RARB: variants seen among roughly 807,000 people sequenced by gnomAD.
The protein encoded by RARB is HBV-activated protein.
Under a neutral mutation model 51.9 loss-of-function variants are expected in RARB, and 17 were observed. The ratio of observed to expected loss-of-function variants is 0.33; its 90% CI spans 0.22 to 0.49. RARB has a LOEUF of 0.49. RARB is among the 20% of genes least tolerant of loss of function. The pLI is 0.99. For synonymous variants in RARB, 215 were observed against 195.4 expected (o/e 1.10, Z -0.84); for missense variants, 369 against 550.8 (o/e 0.67, Z 3.30).
chr3:25,354,816 G>A (rs540634933), intron 5 of RARB, among the ~76,000 whole-genome samples: 6 of 152,166 alleles, frequency 3.9e-5, no homozygotes, highest in Admixed American at 2.0e-4. Context: ...GTCCTCCCTG[G>A]GGTTACTGAG....
chr3:24,979,099 G>T (rs1472851155), intron 2 of RARB, among the ~76,000 whole-genome samples: 1 of 152,200 alleles, frequency 6.6e-6, no homozygotes, highest in Non-Finnish European at 1.5e-5. Context: ...TAATTTGATT[G>T]CACTGTGGTC....
At chr3:25,306,628 T>A (rs760459496) in intron 5 of RARB, among the ~76,000 whole-genome samples, 4 of 152,202 alleles carry the variant, frequency 2.6e-5, no homozygotes, top group Non-Finnish European at 5.9e-5. Flanking sequence ...CTAGACTTTT[T>A]AGATTAAAAA....
intron 5 of RARB, among the ~76,000 whole-genome samples, chr3:25,336,740 A>G (rs1442081204): frequency 6.6e-6 from 1 of 152,162 alleles, no homozygotes; most frequent in East Asian, 1.9e-4. Flanking sequence ...AGTGCCAATT[A>G]CCTAAAGGTT....
chr3:25,019,750 T>C (rs1431107550), intron 2 of RARB, among the ~76,000 whole-genome samples: 2 of 152,094 alleles, frequency 1.3e-5, no homozygotes, highest in Non-Finnish European at 2.9e-5. Flanking sequence ...CTTTGCTACT[T>C]AGGAAGATAA....
intron 5 of RARB, among the ~76,000 whole-genome samples, chr3:25,280,264 C>A (rs1335939939): frequency 1.3e-5 from 2 of 152,014 alleles, no homozygotes; most frequent in Non-Finnish European, 2.9e-5. Context: ...TTTCTCTGAC[C>A]CTGTGTCTCC....
At chr3:25,584,932 A>G (rs1462576605) in intron 5 of RARB, among the ~76,000 whole-genome samples, 1 of 151,652 alleles carries the variant, frequency 6.6e-6, no homozygotes, top group East Asian at 1.9e-4. Flanking sequence ...TTGCCACAGT[A>G]TTTATCTCCT....
At chr3:24,939,467 A>T (rs538885354) in intron 2 of RARB, among the ~76,000 whole-genome samples, 78 of 152,318 alleles carry the variant, frequency 5.1e-4, no homozygotes, top group Non-Finnish European at 9.1e-4. Flanking sequence ...TACAGTACTT[A>T]TTCTCTTGTA....
intron 2 of RARB, among the ~76,000 whole-genome samples, chr3:24,885,501 A>C (rs1481391131): frequency 6.6e-6 from 1 of 152,196 alleles, no homozygotes; most frequent in African/African-American, 2.4e-5. Flanking sequence ...ATATTAAATC[A>C]AGTTGTTTTA....
intron 2 of RARB, among the ~76,000 whole-genome samples, chr3:25,022,489 T>C (rs957148355): frequency 1.3e-5 from 2 of 152,202 alleles, no homozygotes; most frequent in Admixed American, 1.3e-4. Flanking sequence ...ATTTTTTAAA[T>C]TTTTCTAATT....
intron 3 of RARB, among the ~76,000 whole-genome samples, chr3:25,121,484 A>G (rs917381602): frequency 1.3e-5 from 2 of 152,194 alleles, no homozygotes; most frequent in Non-Finnish European, 2.9e-5. Flanking sequence ...TGGATAATGA[A>G]TATGGTGCAA....
At chr3:24,858,128 C>T (rs1702668881) in intron 1 of RARB, among the ~76,000 whole-genome samples, 1 of 152,134 alleles carries the variant, frequency 6.6e-6, no homozygotes, top group Non-Finnish European at 1.5e-5. Context: ...TGTCATATTT[C>T]CCTAAAATTG....
intron 5 of RARB, among the ~76,000 whole-genome samples, chr3:25,198,951 C>A (rs115799518): frequency 6.6e-6 from 1 of 151,720 alleles, no homozygotes; most frequent in Non-Finnish European, 1.5e-5. Context: ...GTATATACCC[C>A]CAAAAAAGGA....
At chr3:25,438,491 T>C (rs926480919) in intron 1 of RARB, among the ~76,000 whole-genome samples, 1 of 152,200 alleles carries the variant, frequency 6.6e-6, no homozygotes, top group Non-Finnish European at 1.5e-5. Flanking sequence ...GTTGGTTCCA[T>C]GTTTAATGAA....
chr3:24,982,842 A>G (rs1403735188), intron 2 of RARB, among the ~76,000 whole-genome samples: 1 of 152,196 alleles, frequency 6.6e-6, no homozygotes, highest in East Asian at 1.9e-4. Context: ...AGTCAAGGGA[A>G]GTTGAATATC....
At chr3:25,548,383 T>G (rs967331089) in intron 3 of RARB, among the ~76,000 whole-genome samples, 1 of 152,178 alleles carries the variant, frequency 6.6e-6, no homozygotes, top group Admixed American at 6.5e-5. Context: ...AATCTAATTT[T>G]CAATGTCATT....
chr3:24,854,640 T>C (rs1463543558), intron 1 of RARB, among the ~76,000 whole-genome samples: 11 of 152,152 alleles, frequency 7.2e-5, no homozygotes, highest in Admixed American at 7.2e-4. Context: ...TCTTGATGCA[T>C]AGTAGCATTT....
chr3:25,435,575 G>A (rs939196200), intron 1 of RARB, among the ~76,000 whole-genome samples: 4 of 152,140 alleles, frequency 2.6e-5, no homozygotes, highest in African/African-American at 4.8e-5. Flanking sequence ...TGGAGGCAGC[G>A]AAATTCAGTT....
At chr3:25,254,540 C>A (rs1461726968) in intron 5 of RARB, among the ~76,000 whole-genome samples, 2 of 152,180 alleles carry the variant, frequency 1.3e-5, no homozygotes, top group Middle Eastern at 3.4e-3. Context: ...ACTACCTTAG[C>A]AGCCAAATGG....
At chr3:25,088,880 T>C (rs1038381234) in intron 3 of RARB, among the ~76,000 whole-genome samples, 3 of 152,068 alleles carry the variant, frequency 2.0e-5, no homozygotes, top group African/African-American at 7.2e-5. Flanking sequence ...GTCTCTTTTT[T>C]CTAATAATGA....
Sources: allele counts gnomAD v4.1 joint callset (sites outside exome capture counted in the v4.1 genomes callset), GRCh38; gene constraint gnomAD v4.1.1; transcripts MANE v1.5; gene names NCBI Gene and HGNC (gene_info 2026-07-23, HGNC 2026-07-21).